The following KIAA1549L variants were observed in gnomAD, a reference collection of about 807,000 sequenced individuals.
KIAA1549L encodes UPF0606 protein KIAA1549L.
In KIAA1549L, 88 loss-of-function variants were observed where a neutral mutation model predicts 160.7. The observed-to-expected ratio is 0.55, with a 90% CI of 0.46 to 0.65. The LOEUF is 0.65. KIAA1549L is among the 30% of genes least tolerant of loss of function. KIAA1549L has a pLI of 0.00. For missense variants in KIAA1549L, 2,258 were observed against 2,437.5 expected, an observed-to-expected ratio of 0.93 and a Z score of 1.55; for synonymous variants, 950 against 976.7, an observed-to-expected ratio of 0.97 and a Z score of 0.51.
At chr11:33,530,410 G>A (rs1590314429) in intron 1 of KIAA1549L, among the ~76,000 whole-genome samples, 2 of 15,178 alleles carry the variant, frequency 1.3e-4, no homozygotes, top group Non-Finnish European at 1.1e-4. Flanking sequence ...TAAAGAAGAA[G>A]AAGGAAAAAA....
At chr11:33,667,814 G>A (rs1453315628) in intron 20 of KIAA1549L, 59 bp from the exon 21 acceptor site, 1 of 1,473,018 alleles carries the variant, frequency 6.8e-7, no homozygotes, top group Non-Finnish European at 9.2e-7. Flanking sequence ...AGTGTGTCCT[G>A]TGACTTGAGC....
At chr11:33,450,466 G>A (rs1369826661) in intron 1 of KIAA1549L, among the ~76,000 whole-genome samples, 7 of 152,052 alleles carry the variant, frequency 4.6e-5, no homozygotes, top group Admixed American at 1.3e-4. Context: ...AGACTGAGGT[G>A]AGAGAATCAC....
chr11:33,607,785 G>A (rs1018632740), intron 14 of KIAA1549L, among the ~76,000 whole-genome samples: 1 of 152,182 alleles, frequency 6.6e-6, no homozygotes, highest in Non-Finnish European at 1.5e-5. Context: ...ACTTATAAAA[G>A]CATTTTACAA....
chr11:33,424,114 A>G (rs1851072052), intron 1 of KIAA1549L, among the ~76,000 whole-genome samples: 1 of 152,228 alleles, frequency 6.6e-6, no homozygotes, highest in African/African-American at 2.4e-5. Context: ...AGCACAATCA[A>G]AGCAATGGCT....
chr11:33,395,292 A>G (rs1282561904), intron 1 of KIAA1549L, among the ~76,000 whole-genome samples: 1 of 152,206 alleles, frequency 6.6e-6, no homozygotes, highest in Non-Finnish European at 1.5e-5. Flanking sequence ...GCCTGTAGCA[A>G]TAATAATAGC....
In KIAA1549L at chr11:33,516,443, G is replaced by A; in HGVS notation, c.239-25359G>A. ...TGGGATTACAGGCGTGAGCCACCGC[G>A]CCCGGCCTGGAGGTGATTCTTGAGA... On this transcript the variant is annotated intron_variant, in intron 1 of 20. Coordinates refer to ENST00000658780, the MANE Select transcript of KIAA1549L (RefSeq NM_012194.3). 1.3e-4 allele frequency among the ~76,000 whole-genome samples: 2 copies of A among 15,272 alleles called. 1 individual carries two copies. The highest frequency in any genetic ancestry group is 2.7e-3 in the South Asian group (2 of 728). 10.0% of individuals were successfully genotyped at this position (15,272 alleles called of 152,430 possible). A position where few individuals can be genotyped will look rare whatever the true frequency, so the allele number is the denominator to read the frequency against.
intron 1 of KIAA1549L, among the ~76,000 whole-genome samples, chr11:33,503,311 C>T (rs1481691508): frequency 6.6e-6 from 1 of 152,166 alleles, no homozygotes; most frequent in Non-Finnish European, 1.5e-5. Flanking sequence ...TCTATTGTAT[C>T]ACAATGTATT....
intron 16 of KIAA1549L, 52 bp from the exon 17 acceptor site, chr11:33,645,634 C>A: frequency 7.5e-7 from 1 of 1,334,722 alleles, no homozygotes; most frequent in Non-Finnish European, 1.1e-6. Flanking sequence ...TTACAGAGCA[C>A]CTTCACGGGA....
At chr11:33,485,888 T>A (rs1852514246) in intron 1 of KIAA1549L, among the ~76,000 whole-genome samples, 1 of 151,828 alleles carries the variant, frequency 6.6e-6, no homozygotes, top group Non-Finnish European at 1.5e-5. Flanking sequence ...TTGTCTTTCA[T>A]TGCCTGGATT....
chr11:33,436,950 C>T (rs538416891), intron 1 of KIAA1549L, among the ~76,000 whole-genome samples: 5 of 152,268 alleles, frequency 3.3e-5, no homozygotes, highest in East Asian at 1.9e-4. Flanking sequence ...TCAGCACCAA[C>T]GTGGGGTGTT....
Position 33,544,219 on chromosome 11 carries a change from C to G in KIAA1549L, c.2656C>G (p.Pro886Ala), listed in dbSNP as rs1416049220. 1.2e-6 allele frequency: 2 copies of G among 1,614,030 alleles called. No homozygotes were observed. The highest frequency in any genetic ancestry group is 2.2e-5 in the South Asian group (2 of 91,086). Residue 886 changes from proline (P) to alanine (A), a missense_variant, in exon 2 of 21, where the codon CCA (proline) becomes GCA (alanine). Pro to Ala is a conservative substitution (Grantham distance 27). Coordinates refer to ENST00000658780, the MANE Select transcript of KIAA1549L (RefSeq NM_012194.3). ...ATCACCTGAGAGAAATGCTTCCACA[C>G]CATTCCAGAACATCTTGGGATATCA... ...NSSPERNAST[P>A]FQNILGYHSA...
At chr11:33,536,964 C>G (rs1054689802) in intron 1 of KIAA1549L, among the ~76,000 whole-genome samples, 7 of 152,150 alleles carry the variant, frequency 4.6e-5, no homozygotes, top group Non-Finnish European at 7.4e-5. Flanking sequence ...CTCGCATCCT[C>G]CCCACCAAAC....
At chr11:33,640,832 T>C (rs1489228610) in intron 16 of KIAA1549L, among the ~76,000 whole-genome samples, 2 of 152,186 alleles carry the variant, frequency 1.3e-5, no homozygotes, top group African/African-American at 4.8e-5. Flanking sequence ...AAACAGCTTT[T>C]TGAAAAAAAT....
intron 16 of KIAA1549L, among the ~76,000 whole-genome samples, chr11:33,627,473 G>T (rs1174008292): frequency 1.3e-5 from 2 of 151,884 alleles, no homozygotes; most frequent in African/African-American, 4.8e-5. Flanking sequence ...ACTTCTTCCT[G>T]GTTTAGTCTT....
At chr11:33,617,209 G>C (rs150408389) in intron 15 of KIAA1549L, among the ~76,000 whole-genome samples, 142 of 152,108 alleles carry the variant, frequency 9.3e-4, no homozygotes, top group African/African-American at 3.0e-3. Flanking sequence ...TAATCACAGG[G>C]AGACTTATAG....
intron 1 of KIAA1549L, among the ~76,000 whole-genome samples, chr11:33,481,109 G>A (rs781443590): frequency 2.0e-5 from 3 of 151,826 alleles, no homozygotes; most frequent in East Asian, 3.9e-4. Context: ...TTTTTTTCTC[G>A]TTTAGACTTC....
At chr11:33,571,384 C>T (rs189520567) in intron 9 of KIAA1549L, among the ~76,000 whole-genome samples, 19 of 152,168 alleles carry the variant, frequency 1.2e-4, no homozygotes, top group African/African-American at 2.4e-4. Context: ...TAGTGTTTTC[C>T]GGAGAGTGTC....
rs1004037707 is a variant in KIAA1549L, at chr11:33,671,941, G to GGACT, written c.*3793_*3796dup. On this transcript the variant is annotated 3_prime_UTR_variant, in exon 21 of 21. Transcript: ENST00000658780. ...AAGAGTGTCATTTAGCTTGGAGTAG[G>GGACT]GACTGACTGGGGTCTAAGTGTTGGA... 1.3e-5 allele frequency: 2 copies of GGACT among 151,234 alleles called. No individual in the cohort carries two copies. The highest frequency in any genetic ancestry group is 2.4e-5 in the African/African-American group (1 of 41,172). 9.4% of individuals were successfully genotyped at this position (151,234 alleles called of 1,614,324 possible). A position where few individuals can be genotyped will look rare whatever the true frequency, so the allele number is the denominator to read the frequency against.
At position 33,583,393 on chromosome 11, in the gene KIAA1549L, C is replaced by T. The variant is rs1855707994; in HGVS notation, c.4458C>T (p.Pro1486=). The T allele has an allele frequency of 6.2e-7, 1 of 1,605,250 alleles. No individual in the cohort carries two copies. The highest frequency in any genetic ancestry group is 8.5e-7 in the Non-Finnish European group (1 of 1,176,008). ...NLWIIAAVLA[P]IAVVTVIIII... ...GGATCATCGCTGCAGTGCTGGCGCC[C>T]ATTGCCGTGGTCACGGTCATCATCA... Residue 1486 remains proline, a synonymous_variant, in exon 11 of 21, where the codon CCC becomes CCT. Transcript: ENST00000658780.
Sources: allele counts gnomAD v4.1 joint callset (sites outside exome capture counted in the v4.1 genomes callset), GRCh38; gene constraint gnomAD v4.1.1; transcripts MANE v1.5; gene names NCBI Gene and HGNC (gene_info 2026-07-23, HGNC 2026-07-21).